The following DMD variants were observed in gnomAD, a reference collection of about 807,000 sequenced individuals.
The protein encoded by DMD is mutant dystrophin.
In DMD, 63 loss-of-function variants were observed where a neutral mutation model predicts 330.1. The observed-to-expected ratio is 0.19, with a 90% CI of 0.16 to 0.24. The LOEUF (loss-of-function observed/expected upper bound fraction) is 0.24, where lower values mean the gene tolerates loss of function less well. DMD is among the 10% of genes least tolerant of loss of function. The pLI is 1.00. For missense variants in DMD, 3,344 were observed against 2,684.1 expected (o/e 1.25, Z -5.43); for synonymous variants, 1,223 against 959.8 (o/e 1.27, Z -5.07).
chrX:32,718,366 T>C (rs1252342952), intron 7 of DMD, among the ~76,000 whole-genome samples: 1 of 110,839 alleles, frequency 9.0e-6, no homozygotes, highest in Admixed American at 9.7e-5. Context: ...TCTTCCTCCT[T>C]CTCTGGCCAT....
chrX:32,787,237 TGTGTGTGTGTGAGA>T (rs1260193979), intron 7 of DMD, among the ~76,000 whole-genome samples: 1 of 100,925 alleles, frequency 9.9e-6, no homozygotes, highest in Admixed American at 1.1e-4. Flanking sequence ...TGTGTGTGTG[TGTGTGTGTGTGAGA>T]GAGAGAGAGA....
chrX:31,359,473 T>A (rs2148569714), intron 60 of DMD, among the ~76,000 whole-genome samples: 1 of 112,121 alleles, frequency 8.9e-6, no homozygotes, highest in South Asian at 3.7e-4. Flanking sequence ...TTAACCAGCA[T>A]CTTATCTAAC....
intron 70 of DMD, chrX:31,178,448 C>G: frequency 2.9e-6 from 2 of 698,701 alleles, no homozygotes; most frequent in Non-Finnish European, 3.5e-6. Flanking sequence ...TTTTTTTTTT[C>G]CCCCTGTGAG....
chrX:31,720,993 A>G (rs1044746375), intron 52 of DMD, among the ~76,000 whole-genome samples: 1 of 111,893 alleles, frequency 8.9e-6, no homozygotes, highest in African/African-American at 3.2e-5. Context: ...GTATTAATTT[A>G]ACACAACGTA....
At chrX:33,131,878 G>A (rs139910415) in intron 1 of DMD, among the ~76,000 whole-genome samples, 294 of 112,070 alleles carry the variant, frequency 2.6e-3, no homozygotes, top group African/African-American at 9.0e-3. Flanking sequence ...AGGGGAAAGC[G>A]TATCAATGTT....
intron 16 of DMD, among the ~76,000 whole-genome samples, chrX:32,548,811 C>A (rs228383): frequency 3.6e-5 from 4 of 109,937 alleles, no homozygotes; most frequent in Admixed American, 2.9e-4. Context: ...TCTATGGAAT[C>A]ATACTCCTGT....
At chrX:32,905,106 G>T (rs1028225247) in intron 2 of DMD, among the ~76,000 whole-genome samples, 3 of 111,838 alleles carry the variant, frequency 2.7e-5, no homozygotes, top group Non-Finnish European at 1.9e-5. Flanking sequence ...TATGTAAAAA[G>T]TACTATAAAA....
chrX:32,593,636 T>G (rs927947364), intron 13 of DMD, among the ~76,000 whole-genome samples: 1 of 111,115 alleles, frequency 9.0e-6, no homozygotes, highest in Non-Finnish European at 1.9e-5. Context: ...TTTAACTGTC[T>G]TACCTGGTTA....
intron 2 of DMD, among the ~76,000 whole-genome samples, chrX:32,974,453 ATATCT>A (rs2092480489): frequency 8.9e-6 from 1 of 111,739 alleles, no homozygotes; most frequent in African/African-American, 3.2e-5. Flanking sequence ...TATGTGAATA[ATATCT>A]TAATAAAGCT....
intron 7 of DMD, among the ~76,000 whole-genome samples, chrX:32,716,178 A>G (rs1027895965): frequency 6.3e-5 from 7 of 111,431 alleles, no homozygotes; most frequent in African/African-American, 2.3e-4. Context: ...GCATATTGAT[A>G]TGATTTGGAT....
chrX:32,814,937 T>A (rs2077612120), intron 6 of DMD, among the ~76,000 whole-genome samples: 1 of 111,535 alleles, frequency 9.0e-6, no homozygotes, highest in Non-Finnish European at 1.9e-5. Context: ...TTTCGGGCCC[T>A]TAGTGTTAAG....
At chrX:32,242,950 GAA>G (rs199914015) in intron 43 of DMD, among the ~76,000 whole-genome samples, 15,862 of 105,025 alleles carry the variant, frequency 0.15, 1,106 homozygotes, top group Admixed American at 0.25. Flanking sequence ...AAAGGAAAAG[GAA>G]AAGGAACAGA....
chrX:31,255,993 T>C (rs1461272954), intron 63 of DMD, among the ~76,000 whole-genome samples: 2 of 110,102 alleles, frequency 1.8e-5, no homozygotes, highest in Non-Finnish European at 3.8e-5. Context: ...GCCAGGAAGG[T>C]CTTGATCTCC....
intron 44 of DMD, among the ~76,000 whole-genome samples, chrX:32,088,382 A>C (rs2096453996): frequency 9.1e-6 from 1 of 110,296 alleles, no homozygotes; most frequent in African/African-American, 3.3e-5. Flanking sequence ...TGGAACCTGG[A>C]AAGTAATCTC....
chrX:32,054,738 C>CT (rs201370777), intron 44 of DMD, among the ~76,000 whole-genome samples: 2,014 of 106,652 alleles, frequency 0.019, 51 homozygotes, highest in African/African-American at 0.065. Context: ...CCATTTTTCA[C>CT]TTTTTTTCAT....
intron 49 of DMD, among the ~76,000 whole-genome samples, chrX:31,835,198 A>G (rs1274243579): frequency 1.8e-5 from 2 of 112,350 alleles, no homozygotes; most frequent in African/African-American, 6.5e-5. Flanking sequence ...AAAGGCACAA[A>G]AGTAAAAGCC....
chrX:32,162,262 C>T (rs886900205), intron 44 of DMD, among the ~76,000 whole-genome samples: 33 of 110,970 alleles, frequency 3.0e-4, no homozygotes, highest in African/African-American at 9.2e-4. Context: ...AGGGTGAAGT[C>T]TTGTATCCCC....
chrX:32,568,181 T>C (rs1280553903), intron 15 of DMD, among the ~76,000 whole-genome samples: 4 of 111,795 alleles, frequency 3.6e-5, no homozygotes, highest in African/African-American at 1.3e-4. Flanking sequence ...GAAGAAACAT[T>C]TGGTAAGCAT....
chrX:32,629,759 GACA>G (rs967217881), intron 11 of DMD, among the ~76,000 whole-genome samples: 15 of 106,762 alleles, frequency 1.4e-4, no homozygotes, highest in Admixed American at 2.0e-4. Context: ...TGAAATTCAT[GACA>G]ACACTGGTTG....
Sources: gnomAD v4.1 joint callset for allele counts (sites outside exome capture counted in the v4.1 genomes callset) on GRCh38, gnomAD v4.1.1 for gene constraint, MANE v1.5 for transcripts, NCBI Gene and HGNC (gene_info 2026-07-23, HGNC 2026-07-21) for gene names.